CYP51A1: variants seen among roughly 807,000 people sequenced by gnomAD.
CYP51A1 encodes the protein lanosterol 14-alpha demethylase.
A neutral mutation model predicts 53.5 loss-of-function variants in CYP51A1; 45 were observed. The observed-to-expected ratio is 0.84, with a 90% CI of 0.66 to 1.08. The LOEUF (loss-of-function observed/expected upper bound fraction) is 1.08. Among genes scored for constraint, CYP51A1 ranks in the 50% least tolerant of loss-of-function variants. The probability of loss-of-function intolerance (pLI) is 0.00; values close to 1 mark genes in which losing one functional copy is unlikely to be tolerated. For synonymous variants in CYP51A1, 181 were observed against 217.7 expected, an observed-to-expected ratio of 0.83 and a Z score of 1.48; for missense variants, 462 against 621.7, an observed-to-expected ratio of 0.74 and a Z score of 2.73.
chr7:92,121,398 GTGCAGCCA>G (rs1032179548), intron 7 of CYP51A1, among the ~76,000 whole-genome samples: 4 of 152,090 alleles, frequency 2.6e-5, no homozygotes, highest in Non-Finnish European at 5.9e-5. Context: ...TTTGAAAGTG[GTGCAGCCA>G]CTTTTTAAAA....
chr7:92,115,591 T>C (rs1182781909), intron 9 of CYP51A1, among the ~76,000 whole-genome samples: 1 of 152,116 alleles, frequency 6.6e-6, no homozygotes, highest in African/African-American at 2.4e-5. Flanking sequence ...CCTCCAAAAC[T>C]GTGATAGAAT....
intron 7 of CYP51A1, among the ~76,000 whole-genome samples, chr7:92,119,155 T>G (rs950533077): frequency 6.6e-6 from 1 of 152,176 alleles, no homozygotes; most frequent in South Asian, 2.1e-4. Flanking sequence ...AAAAATTGTT[T>G]AACACTGAAG....
At position 92,117,030 on chromosome 7, in the gene CYP51A1, T is replaced by G; in HGVS notation, c.1351+14A>C. ...CAGAACAAACATTTCCAATCTAAAA[T>G]ATAATCATCTTACCAGCTCCAAATG... On this transcript the variant is annotated intron_variant, in intron 9 of 9. Transcript: ENST00000003100. The G allele has an allele frequency of 6.3e-7, 1 of 1,592,160 alleles. No homozygotes were observed.
intron 9 of CYP51A1, among the ~76,000 whole-genome samples, chr7:92,114,624 T>C (rs1819545239): frequency 6.6e-6 from 1 of 152,180 alleles, no homozygotes; most frequent in South Asian, 2.1e-4. Context: ...ATTCAACTCC[T>C]ATGTCACACC....
chr7:92,117,405 T>G (rs1477059168), intron 8 of CYP51A1, 193 bp from the exon 9 acceptor site: 2 of 464,832 alleles, frequency 4.3e-6, no homozygotes, highest in African/African-American at 4.0e-5. Context: ...AAGAACCATC[T>G]GTACATATAT....
chr7:92,133,636 T>G (rs2130960154), intron 1 of CYP51A1, among the ~76,000 whole-genome samples: 1 of 152,126 alleles, frequency 6.6e-6, no homozygotes, highest in South Asian at 2.1e-4. Flanking sequence ...ATTACCACAC[T>G]CTACACATCC....
intron 7 of CYP51A1, among the ~76,000 whole-genome samples, chr7:92,121,594 TAAAC>T (rs1819695074): frequency 6.6e-6 from 1 of 152,130 alleles, no homozygotes; most frequent in African/African-American, 2.4e-5. Flanking sequence ...GATGAACAAA[TAAAC>T]AAAATGTGGT....
Position 92,118,468 on chromosome 7 carries a change from T to C in CYP51A1, c.1182+52A>G, listed in dbSNP as rs973398876. 5.3e-5 allele frequency: 53 copies of C among 1,008,854 alleles called. No homozygotes were observed. The African/African-American group carries it at 6.8e-4, about 13-fold the overall frequency. The allele number at this position is 1,008,854 out of a possible 1,614,324, so 62.5% of individuals were successfully genotyped here. A position where few individuals can be genotyped will look rare whatever the true frequency, so the allele number is the denominator to read the frequency against. On this transcript the variant is annotated intron_variant, in intron 8 of 9. Transcript: ENST00000003100. ...AACCACCACACCCACCTATTTCTTC[T>C]TTTTGATAAAAACTGGGGGTATAGA...
At position 92,116,783 on chromosome 7, in the gene CYP51A1, T is replaced by A. The variant is rs560193477; in HGVS notation, c.1351+261A>T. Among the ~76,000 whole-genome samples, 5 of 152,364 alleles carry A rather than the reference T, an allele frequency of 3.3e-5. No homozygotes were observed. In the East Asian group the frequency reaches 9.6e-4, roughly 29 times the overall value. ...ATACCATTGTAAGGGAAAACAAGGA[T>A]GTTCTATAAAAATTAGACCTAATAA... On this transcript the variant is annotated intron_variant, in intron 9 of 9. Transcript: ENST00000003100.
chr7:92,113,372 A>AATT lies in CYP51A1; in HGVS notation c.*290_*292dup, dbSNP rs892365538. On this transcript the variant is annotated 3_prime_UTR_variant, in exon 10 of 10. Transcript: ENST00000003100. ...AGTACTCTTAAAATTACTATCTGGA[A>AATT]ATTATATTATTTAGAATCTGCCAAT... 1 of 272,354 alleles carries AATT rather than the reference A, an allele frequency of 3.7e-6. No individual in the cohort carries two copies. The highest frequency in any genetic ancestry group is 5.7e-5 in the Admixed American group (1 of 17,692). The allele number at this position is 272,354 out of a possible 1,614,324, so 16.9% of individuals were successfully genotyped here. A position where few individuals can be genotyped will look rare whatever the true frequency, so the allele number is the denominator to read the frequency against.
upstream of CYP51A1, chr7:92,134,485 GC>G: frequency 9.2e-7 from 1 of 1,090,248 alleles, no homozygotes; most frequent in Non-Finnish European, 1.3e-6. Flanking sequence ...ACTAAACCCA[GC>G]CCCACCCCTC....
At chr7:92,124,898 C>T (rs1367126901) in intron 5 of CYP51A1, among the ~76,000 whole-genome samples, 1 of 152,130 alleles carries the variant, frequency 6.6e-6, no homozygotes, top group African/African-American at 2.4e-5. Flanking sequence ...AATCCCAGCA[C>T]TATGGGAGGC....
chr7:92,116,971 A>T, intron 9 of CYP51A1, 73 bp downstream of exon 9: 2 of 1,438,980 alleles, frequency 1.4e-6, no homozygotes, highest in Non-Finnish European at 1.9e-6. Context: ...TGTAAACACA[A>T]TTCGGAATAT....
upstream of CYP51A1, chr7:92,134,600 G>T: frequency 2.0e-6 from 1 of 504,002 alleles, no homozygotes; most frequent in Non-Finnish European, 3.5e-6. Flanking sequence ...TCTTGCGCGG[G>T]ATAGGGCACC....
chr7:92,113,945 GATAAT>G, intron 9 of CYP51A1, 102 bp from the exon 10 acceptor site: 1 of 652,850 alleles, frequency 1.5e-6, no homozygotes. Context: ...CAAATGTACA[GATAAT>G]ATAATAAAAA....
chr7:92,113,596 CTTCA>C lies in CYP51A1; in HGVS notation c.*65_*68del. On this transcript the variant is annotated 3_prime_UTR_variant, in exon 10 of 10. Transcript: ENST00000003100. Reference sequence around the variant, plus strand: ...TAAACTACAAGAGTTGTTTTGTACACTTCATTCTCTTCGAATGCCTTTGTGGCTT... The same window carrying C: ...TAAACTACAAGAGTTGTTTTGTACACTTCTCTTCGAATGCCTTTGTGGCTT... 1.4e-6 allele frequency: 2 copies of C among 1,429,422 alleles called. No individual in the cohort carries two copies. The highest frequency in any genetic ancestry group is 4.9e-4 in the Middle Eastern group (2 of 4,080). 88.5% of individuals were successfully genotyped at this position (1,429,422 alleles called of 1,614,324 possible). A position where few individuals can be genotyped will look rare whatever the true frequency, so the allele number is the denominator to read the frequency against.
chr7:92,128,122 C>T (rs1177246182), intron 3 of CYP51A1, among the ~76,000 whole-genome samples: 1 of 152,194 alleles, frequency 6.6e-6, no homozygotes, highest in Non-Finnish European at 1.5e-5. Flanking sequence ...CTTCTGAAGT[C>T]AGCAATCTCT....
At chr7:92,120,759 TAAG>T (rs1247478287) in intron 7 of CYP51A1, among the ~76,000 whole-genome samples, 2 of 151,944 alleles carry the variant, frequency 1.3e-5, no homozygotes, top group Non-Finnish European at 2.9e-5. Context: ...TACAAAACAC[TAAG>T]AAGAATACAC....
upstream of CYP51A1, chr7:92,134,581 C>G: frequency 1.8e-6 from 1 of 541,686 alleles, no homozygotes; most frequent in Non-Finnish European, 3.2e-6. Flanking sequence ...CTCTGTGAAG[C>G]CGTGGTCTTC....
Sources: allele counts gnomAD v4.1 joint callset (sites outside exome capture counted in the v4.1 genomes callset), GRCh38; gene constraint gnomAD v4.1.1; transcripts MANE v1.5; gene names NCBI Gene and HGNC (gene_info 2026-07-23, HGNC 2026-07-21).